The following GDPD4 variants were observed in gnomAD, a reference collection of about 807,000 sequenced individuals.
GDPD4 encodes glycerophosphodiester phosphodiesterase domain containing 4.
Under a neutral mutation model 67.8 loss-of-function variants are expected in GDPD4, and 60 were observed. The ratio of observed to expected loss-of-function variants is 0.88; its 90% confidence interval spans 0.72 to 1.10. The LOEUF (loss-of-function observed/expected upper bound fraction) is 1.10, where lower values mean the gene tolerates loss of function less well. GDPD4 is among the 50% of genes least tolerant of loss of function. The pLI is 0.00. For synonymous variants in GDPD4, 212 were observed against 210.9 expected (o/e 1.00, Z -0.04); for missense variants, 623 against 613.9 (o/e 1.01, Z -0.16).
intron 1 of GDPD4, among the ~76,000 whole-genome samples, chr11:77,294,750 A>G (rs1229137700): frequency 6.6e-6 from 1 of 152,184 alleles, no homozygotes; most frequent in Non-Finnish European, 1.5e-5. Context: ...CTTAATATAA[A>G]GCTACAGTTA....
chr11:77,261,212 G>A (rs965048764), intron 10 of GDPD4, among the ~76,000 whole-genome samples: 2 of 151,262 alleles, frequency 1.3e-5, no homozygotes, highest in East Asian at 1.9e-4. Context: ...CTGCTTCCAC[G>A]TTAACTGAAG....
chr11:77,250,305 A>G (rs746007707), intron 11 of GDPD4, among the ~76,000 whole-genome samples: 31 of 152,248 alleles, frequency 2.0e-4, no homozygotes, highest in Middle Eastern at 3.4e-3. Context: ...TATATCTAAT[A>G]TTTAGCTCCC....
chr11:77,251,605 G>A (rs1958899809), intron 11 of GDPD4, among the ~76,000 whole-genome samples: 1 of 152,136 alleles, frequency 6.6e-6, no homozygotes, highest in Non-Finnish European at 1.5e-5. Context: ...GTGACTTGAT[G>A]CTTTTCTCTT....
At chr11:77,225,190 A>G (rs1958304069) in intron 16 of GDPD4, among the ~76,000 whole-genome samples, 1 of 151,976 alleles carries the variant, frequency 6.6e-6, no homozygotes, top group Non-Finnish European at 1.5e-5. Context: ...TTAAATGACT[A>G]CTCAGAAGAC....
At chr11:77,224,597 G>C (rs921268981) in intron 16 of GDPD4, among the ~76,000 whole-genome samples, 1 of 152,118 alleles carries the variant, frequency 6.6e-6, no homozygotes, top group South Asian at 2.1e-4. Context: ...AAACAGAGAT[G>C]ACTTCACTTC....
chr11:77,297,588 A>G (rs1332312644), intron 1 of GDPD4, among the ~76,000 whole-genome samples: 1 of 151,610 alleles, frequency 6.6e-6, no homozygotes, highest in East Asian at 1.9e-4. Context: ...CCTAGGTTTC[A>G]TATCCCAGCT....
In GDPD4 at chr11:77,242,798, A is replaced by G. The variant is rs186557221; in HGVS notation, c.1241+896T>C. On this transcript the variant is annotated intron_variant, in intron 13 of 16. Coordinates refer to ENST00000315938, the MANE Select transcript of GDPD4 (RefSeq NM_182833.3). ...AGAGTAAAACATATATAATTTTCCA[A>G]CGCTAAAAGAAAAAAAGACACTATT... is the stretch of plus-strand genomic sequence containing the variant. Among the ~76,000 whole-genome samples, 183 of 152,228 alleles carry G rather than the reference A, an allele frequency of 1.2e-3. 1 individual carries two copies. Among genetic ancestry groups the G allele is most frequent in the African/African-American group, 4.3e-3 (180 of 41,562 alleles).
At chr11:77,248,990 G>A (rs574532837) in intron 11 of GDPD4, among the ~76,000 whole-genome samples, 35 of 151,418 alleles carry the variant, frequency 2.3e-4, no homozygotes, top group Non-Finnish European at 4.7e-4. Flanking sequence ...TTAGAGGCTG[G>A]GCAAGGTGGT....
intron 9 of GDPD4, 128 bp downstream of exon 9, chr11:77,268,796 T>C: frequency 2.0e-6 from 2 of 984,030 alleles, no homozygotes; most frequent in Non-Finnish European, 3.1e-6. Context: ...TACAATGAAC[T>C]CTTTATTCTT....
chr11:77,281,852 T>G lies in GDPD4; in HGVS notation c.54-2453A>C, dbSNP rs937511400. On this transcript the variant is annotated intron_variant, in intron 3 of 16. Coordinates refer to ENST00000315938, the MANE Select transcript of GDPD4 (RefSeq NM_182833.3). ...CTGCTCCCCCTAGGTACTGGCTTGA[T>G]GGCGTACACAGCTTAGGCCTCTCCC... Among the ~76,000 whole-genome samples the G allele has an allele frequency of 3.3e-5, 5 of 152,264 alleles. No homozygotes were observed. The East Asian group carries it at 9.6e-4, about 29-fold the overall frequency.
At position 77,268,982 on chromosome 11, in the gene GDPD4, T is replaced by C. The variant is rs1959192474; in HGVS notation, c.566A>G (p.Gln189Arg). 6.2e-7 allele frequency: 1 copy of C among 1,613,854 alleles called. No homozygotes were observed. Among genetic ancestry groups the C allele is most frequent in the African/African-American group, 1.3e-5 (1 of 74,894 alleles). Residue 189 changes from glutamine to arginine, a missense_variant, in exon 9 of 17, where the codon CAG (glutamine) becomes CGG (arginine). Coordinates refer to ENST00000315938, the MANE Select transcript of GDPD4 (RefSeq NM_182833.3). The part of the protein sequence containing the change: ...MPLGIYSPCI[Q>R]EKENLGPKPT... ...CTTGGGCCCCAAATTCTCCTTCTCC[T>C]GAATGCAGGGAGAATAAATCCCCAG...
At chr11:77,289,416 A>T (rs572195969) in intron 1 of GDPD4, among the ~76,000 whole-genome samples, 36 of 149,780 alleles carry the variant, frequency 2.4e-4, no homozygotes, top group African/African-American at 8.9e-4. Flanking sequence ...AGACAGAGAG[A>T]GAAAGAGAGA....
At chr11:77,290,976 A>G (rs1376014726) in intron 1 of GDPD4, among the ~76,000 whole-genome samples, 5 of 152,236 alleles carry the variant, frequency 3.3e-5, no homozygotes, top group Admixed American at 3.3e-4. Flanking sequence ...TCAAAAAACT[A>G]AAATATTGTA....
chr11:77,244,002 G>A (rs1958729398), intron 12 of GDPD4, among the ~76,000 whole-genome samples, 154 bp from the exon 13 acceptor site: 1 of 151,960 alleles, frequency 6.6e-6, no homozygotes, highest in Non-Finnish European at 1.5e-5. Flanking sequence ...AGTCAACATG[G>A]GCTAGTATTT....
intron 1 of GDPD4, among the ~76,000 whole-genome samples, chr11:77,299,311 T>A (rs955952979): frequency 2.0e-5 from 3 of 152,168 alleles, no homozygotes; most frequent in Non-Finnish European, 4.4e-5. Flanking sequence ...AAAGTAGTAG[T>A]TACCTCACTT....
Position 77,285,185 on chromosome 11 carries a change from T to C in GDPD4, c.-48A>G, listed in dbSNP as rs1959943697. 1.4e-6 allele frequency: 2 copies of C among 1,458,614 alleles called. No homozygotes were observed. The highest frequency in any genetic ancestry group is 2.3e-5 in the East Asian group (1 of 44,088). 90.4% of individuals were successfully genotyped at this position (1,458,614 alleles called of 1,614,324 possible). A position where few individuals can be genotyped will look rare whatever the true frequency, so the allele number is the denominator to read the frequency against. On this transcript the variant is annotated splice_region_variant and 5_prime_UTR_variant, in exon 3 of 17. Coordinates refer to ENST00000315938, the MANE Select transcript of GDPD4 (RefSeq NM_182833.3). ...ACCAGGCACGGCAAAATAATTGCTC[T>C]TTCTGGGAAAAGAAAAAAGAAATCT...
rs1959047107 is a variant in GDPD4 at position 77,258,475 on chromosome 11, G to A, written c.775C>T (p.Gln259Ter). The A allele has an allele frequency of 2.5e-6, 4 of 1,614,014 alleles. No individual in the cohort carries two copies. Among genetic ancestry groups the A allele is most frequent in the East Asian group, 2.2e-5 (1 of 44,890 alleles). Reference protein sequence around the residue: ...LKRTTNIGEVQPESACENPAF... With the variant: ...LKRTTNIGEV ...GGGTTCTCGCAGGCAGATTCTGGCT[G>A]AACTTCCCCAATATTGGTTGTTCTT... Residue 259 changes from glutamine (Q) to a stop codon, truncating the protein, a stop_gained, in exon 11 of 17, where the codon CAG becomes TAG. Transcript: ENST00000315938. LOFTEE classifies it high-confidence loss of function.
intron 13 of GDPD4, among the ~76,000 whole-genome samples, chr11:77,236,566 A>T (rs1958571545): frequency 6.6e-6 from 1 of 152,244 alleles, no homozygotes; most frequent in Admixed American, 6.5e-5. Context: ...CACAAATTAT[A>T]AGGCGGCCAG....
At chr11:77,273,662 TA>T (rs1316059421) in intron 5 of GDPD4, among the ~76,000 whole-genome samples, 2 of 152,354 alleles carry the variant, frequency 1.3e-5, no homozygotes, top group East Asian at 3.9e-4. Flanking sequence ...AGAATTCAGG[TA>T]TTAAGCAGTT....
Sources: gnomAD v4.1 joint callset for allele counts (sites outside exome capture counted in the v4.1 genomes callset) on GRCh38, gnomAD v4.1.1 for gene constraint, MANE v1.5 for transcripts, NCBI Gene and HGNC (gene_info 2026-07-23, HGNC 2026-07-21) for gene names.